GABARAPL2: variants seen among roughly 807,000 people sequenced by gnomAD.
GABARAPL2 encodes the protein GABA type A receptor associated protein like 2.
Under a neutral mutation model 16.9 loss-of-function variants are expected in GABARAPL2, and 11 were observed. The observed-to-expected ratio is 0.65, with a 90% CI of 0.41 to 1.08. GABARAPL2 has a LOEUF of 1.08. Ranked by LOEUF, GABARAPL2 falls within the 50% of genes least tolerant of loss-of-function variation. The pLI, the probability that GABARAPL2 is intolerant of heterozygous loss-of-function variation, is 0.00. For synonymous variants in GABARAPL2, 57 were observed against 50.7 expected (o/e 1.12, Z -0.53); for missense variants, 134 against 142.5 (o/e 0.94, Z 0.30).
At chr16:75,568,914 T>A (rs1051756433) in intron 3 of GABARAPL2, among the ~76,000 whole-genome samples, 7 of 152,314 alleles carry the variant, frequency 4.6e-5, no homozygotes, top group African/African-American at 1.7e-4. Context: ...CCGTCTAACC[T>A]CCTGGTCAGT....
Position 75,566,469 on chromosome 16 carries a change from C to T in GABARAPL2, c.-18C>T, listed in dbSNP as rs2080882856. ...CCGCGGCTCCGCGAGCCGGTTCCGT[C>T]CCCTTCCCGCCGCCGCCATGAAGTG... On this transcript the variant is annotated 5_prime_UTR_variant, in exon 1 of 4. Transcript: ENST00000037243. 2 of 1,599,286 alleles carry T rather than the reference C, an allele frequency of 1.3e-6. No individual in the cohort carries two copies. Among genetic ancestry groups the T allele is most frequent in the African/African-American group, 1.4e-5 (1 of 73,494 alleles).
intron 3 of GABARAPL2, among the ~76,000 whole-genome samples, chr16:75,573,301 C>T (rs867109550): frequency 3.3e-5 from 5 of 152,210 alleles, no homozygotes; most frequent in Middle Eastern, 3.2e-3. Flanking sequence ...TGTGGCCCAG[C>T]TCATTTTGGC....
chr16:75,570,864 C>G (rs1238330129), intron 3 of GABARAPL2, among the ~76,000 whole-genome samples: 1 of 152,034 alleles, frequency 6.6e-6, no homozygotes, highest in Non-Finnish European at 1.5e-5. Flanking sequence ...AAGAATCAGG[C>G]CAAAAACGGA....
chr16:75,576,062 T>C (rs965365624), intron 3 of GABARAPL2: 1 of 152,232 alleles, frequency 6.6e-6, no homozygotes, highest in Non-Finnish European at 1.5e-5. Flanking sequence ...TGAACAGTTC[T>C]GTTCCAGGGA....
At chr16:75,569,140 GA>G (rs1323678002) in intron 3 of GABARAPL2, among the ~76,000 whole-genome samples, 1 of 152,218 alleles carries the variant, frequency 6.6e-6, no homozygotes, top group Non-Finnish European at 1.5e-5. Flanking sequence ...GAAAATCCTT[GA>G]AGACTCCAGA....
intron 3 of GABARAPL2, among the ~76,000 whole-genome samples, chr16:75,569,869 AG>A (rs1411931094): frequency 1.3e-5 from 2 of 152,178 alleles, no homozygotes; most frequent in African/African-American, 4.8e-5. Flanking sequence ...TTTCTCTCCA[AG>A]TCCCATTTGC....
chr16:75,577,330 A>C lies in GABARAPL2; in HGVS notation c.315A>C (p.Leu105Phe), dbSNP rs1254944507. Residue 105 changes from leucine (L) to phenylalanine (F), a missense_variant, in exon 4 of 4, where the codon TTA becomes TTC. By Grantham distance (22) the Leu-to-Phe change is conservative. Coordinates refer to ENST00000037243, the MANE Select transcript of GABARAPL2 (RefSeq NM_007285.7). ...YEKEKDEDGF[L>F]YVAYSGENTF... Reference sequence around the variant, plus strand: ...AGGAAAAAGATGAAGATGGATTCTTATATGTGGCCTACAGCGGAGAGAACA... The same window carrying C: ...AGGAAAAAGATGAAGATGGATTCTTCTATGTGGCCTACAGCGGAGAGAACA... 1 of 1,612,926 alleles carries C rather than the reference A, an allele frequency of 6.2e-7. No individual in the cohort carries two copies. The highest frequency in any genetic ancestry group is 8.5e-7 in the Non-Finnish European group (1 of 1,178,896).
In GABARAPL2 at chr16:75,577,874, TA is replaced by T. The variant is rs2080959295; in HGVS notation, c.*508del. ...ATAATTAACAATAAAAATTCTCTTA[TA>T]AAGGCATTGTACTGTGGCCATGTCC... On this transcript the variant is annotated 3_prime_UTR_variant, in exon 4 of 4. Transcript: ENST00000037243. The T allele has an allele frequency of 6.4e-6, 1 of 155,164 alleles. No homozygotes were observed. The allele number at this position is 155,164 out of a possible 1,614,324, so 9.6% of individuals were successfully genotyped here.
At chr16:75,577,101 C>T (rs2080954113) in intron 3 of GABARAPL2, 178 bp from the exon 4 acceptor site, 1 of 539,834 alleles carries the variant, frequency 1.9e-6, no homozygotes, top group Non-Finnish European at 3.3e-6. Flanking sequence ...TTGCCTTCTG[C>T]AGACTTCATT....
chr16:75,577,223 T>C (rs2080954753), intron 3 of GABARAPL2, 56 bp from the exon 4 acceptor site: 9 of 1,077,554 alleles, frequency 8.4e-6, no homozygotes, highest in Non-Finnish European at 5.8e-6. Flanking sequence ...GCCATCCTTT[T>C]TCTCCTGAAA....
In GABARAPL2 at chr16:75,568,156, T is replaced by G; in HGVS notation, c.210T>G (p.Leu70=). The G allele has an allele frequency of 6.2e-7, 1 of 1,613,316 alleles. No individual in the cohort carries two copies. The highest frequency in any genetic ancestry group is 8.5e-7 in the Non-Finnish European group (1 of 1,179,264). ...GGATCATCAGGAAAAGGATCCAGCT[T>G]CCTTCTGAAAAGGCGATCTTCCTGT... The part of the protein sequence containing the change: ...FMWIIRKRIQ[L]PSEKAIFLFV... The change falls in exon 3 of 4, where the codon CTT becomes CTG. Residue 70 remains leucine (L), a synonymous_variant. Coordinates refer to ENST00000037243, the MANE Select transcript of GABARAPL2 (RefSeq NM_007285.7).
At position 75,566,391 on chromosome 16, in the gene GABARAPL2, C is replaced by T. The variant is rs570946508; in HGVS notation, c.-96C>T. On this transcript the variant is annotated 5_prime_UTR_variant, in exon 1 of 4. Transcript: ENST00000037243. Reference sequence around the variant, plus strand: ...CCGCCTGCCGTGTAGTCGCCGCCGTCGCTGCCGCTGCCGCTGCCGCCGTCG... The same window carrying T: ...CCGCCTGCCGTGTAGTCGCCGCCGTTGCTGCCGCTGCCGCTGCCGCCGTCG... The T allele has an allele frequency of 5.9e-5, 54 of 913,870 alleles. No individual in the cohort carries two copies. Among genetic ancestry groups the T allele is most frequent in the Middle Eastern group, 5.1e-4 (2 of 3,958 alleles). The allele number at this position is 913,870 out of a possible 1,614,324, so 56.6% of individuals were successfully genotyped here. A position where few individuals can be genotyped will look rare whatever the true frequency, so the allele number is the denominator to read the frequency against.
chr16:75,566,996 T>A, intron 2 of GABARAPL2, 89 bp downstream of exon 2: 1 of 1,157,718 alleles, frequency 8.6e-7, no homozygotes, highest in Non-Finnish European at 1.3e-6. Flanking sequence ...AGTTGACAAG[T>A]TGAGGTTCCA....
intron 3 of GABARAPL2, among the ~76,000 whole-genome samples, chr16:75,574,024 C>G (rs1567446065): frequency 6.6e-6 from 1 of 152,194 alleles, no homozygotes; most frequent in Non-Finnish European, 1.5e-5. Context: ...TAGGGCACTG[C>G]TTAAACAAAT....
chr16:75,576,671 C>T (rs1011270053), intron 3 of GABARAPL2: 1 of 152,698 alleles, frequency 6.5e-6, no homozygotes, highest in African/African-American at 2.4e-5. Flanking sequence ...CTCCACTGCG[C>T]AGTCTGTTTT....
intron 3 of GABARAPL2, chr16:75,577,068 A>C: frequency 2.1e-6 from 1 of 484,066 alleles, no homozygotes. Flanking sequence ...TAAAGGATTT[A>C]CTTGGGAGGA....
intron 1 of GABARAPL2, 165 bp downstream of exon 1, chr16:75,566,685 C>T: frequency 2.1e-6 from 2 of 962,786 alleles, no homozygotes; most frequent in Non-Finnish European, 3.2e-6. Context: ...GACCCCATGT[C>T]ACCCTCCGCG....
intron 3 of GABARAPL2, among the ~76,000 whole-genome samples, chr16:75,574,319 TAGTC>T (rs2080934191): frequency 6.6e-6 from 1 of 152,216 alleles, no homozygotes; most frequent in Admixed American, 6.5e-5. Context: ...GAGCAGAACT[TAGTC>T]TGTTTGGAAC....
In GABARAPL2 at chr16:75,566,552, G is replaced by A. The variant is rs775892344; in HGVS notation, c.34+32G>A. The stretch of plus-strand genomic sequence containing the variant: ...ACTTGGTCGTCGGCCCGGCTGCTGG[G>A]GGCTGGGGCGGCGGGTGGGCCCCCT... On this transcript the variant is annotated intron_variant, in intron 1 of 3. Transcript: ENST00000037243. 9.3e-6 allele frequency: 15 copies of A among 1,604,448 alleles called. No individual in the cohort carries two copies. In the East Asian group the frequency reaches 2.9e-4, roughly 32 times the overall value.
Sources: gnomAD v4.1 joint callset for allele counts (sites outside exome capture counted in the v4.1 genomes callset) on GRCh38, gnomAD v4.1.1 for gene constraint, MANE v1.5 for transcripts, NCBI Gene and HGNC (gene_info 2026-07-23, HGNC 2026-07-21) for gene names.